TLCD4: variants seen among roughly 807,000 people sequenced by gnomAD.
TLCD4 encodes TLC domain-containing protein 4.
In TLCD4, 7 loss-of-function variants were observed where a neutral mutation model predicts 24.2. That is an observed-to-expected ratio of 0.29 (90% CI 0.16 to 0.54). TLCD4 has a LOEUF of 0.54. Ranked by LOEUF, TLCD4 falls within the 20% of genes least tolerant of loss-of-function variation. The pLI, the probability that TLCD4 is intolerant of heterozygous loss-of-function variation, is 0.95. For missense variants in TLCD4, 259 were observed against 313.9 expected (o/e 0.82, Z 1.32); for synonymous variants, 103 against 106.4 (o/e 0.97, Z 0.20).
At chr1:95,122,689 C>T (rs1178128331) in intron 1 of TLCD4, among the ~76,000 whole-genome samples, 1 of 152,204 alleles carries the variant, frequency 6.6e-6, no homozygotes, top group Non-Finnish European at 1.5e-5. Flanking sequence ...TGACATGTTA[C>T]TATTCATTGA....
At chr1:95,152,256 G>A (rs1468530902) in intron 5 of TLCD4, among the ~76,000 whole-genome samples, 2 of 152,030 alleles carry the variant, frequency 1.3e-5, no homozygotes, top group African/African-American at 4.8e-5. Context: ...GTTACTCATT[G>A]ACTATAAGAA....
intron 1 of TLCD4, among the ~76,000 whole-genome samples, chr1:95,135,869 CCACCA>C (rs1342732151): frequency 1.2e-4 from 18 of 151,954 alleles, no homozygotes; most frequent in Admixed American, 1.2e-3. Flanking sequence ...CAGGTGTGCA[CCACCA>C]CACCTGGTTA....
At chr1:95,134,898 A>G (rs964456273) in intron 1 of TLCD4, among the ~76,000 whole-genome samples, 1 of 152,122 alleles carries the variant, frequency 6.6e-6, no homozygotes, top group Non-Finnish European at 1.5e-5. Flanking sequence ...TATATCATTT[A>G]TTTCCTATTA....
chr1:95,172,934 T>C (rs925735644), intron 5 of TLCD4, among the ~76,000 whole-genome samples: 2 of 152,208 alleles, frequency 1.3e-5, no homozygotes, highest in African/African-American at 4.8e-5. Flanking sequence ...TTAAAGTATA[T>C]TAAGTAAAAT....
chr1:95,168,209 A>G (rs1443280484), intron 5 of TLCD4, among the ~76,000 whole-genome samples: 2 of 152,186 alleles, frequency 1.3e-5, no homozygotes, highest in African/African-American at 4.8e-5. Flanking sequence ...GAGTTCAGTA[A>G]TAGGCACAAG....
chr1:95,180,265 CTT>C (rs1389988850), intron 6 of TLCD4, among the ~76,000 whole-genome samples: 1 of 152,162 alleles, frequency 6.6e-6, no homozygotes, highest in East Asian at 1.9e-4. Flanking sequence ...GTTTGAAACT[CTT>C]TTAGAGAAAT....
chr1:95,126,228 A>G (rs777929688), intron 1 of TLCD4, among the ~76,000 whole-genome samples: 1 of 152,012 alleles, frequency 6.6e-6, no homozygotes, highest in Non-Finnish European at 1.5e-5. Flanking sequence ...GGAGTTTAAG[A>G]CCAGCCTGGC....
rs148679693 is a variant in TLCD4 at position 95,133,069 on chromosome 1, A to C, written c.-11-10822A>C. Among the ~76,000 whole-genome samples, 21 of 152,250 alleles carry C rather than the reference A, an allele frequency of 1.4e-4. No individual in the cohort carries two copies. In the East Asian group the frequency reaches 2.1e-3, roughly 15 times the overall value. On this transcript the variant is annotated intron_variant, in intron 1 of 6. Coordinates refer to ENST00000370203, the MANE Select transcript of TLCD4 (RefSeq NM_152487.3). The stretch of plus-strand genomic sequence containing the variant: ...TCTGTAAAGGAGTGGAGAGAGAGAG[A>C]GCGCAAGTGTAAAAATTCAAGCAAG...
chr1:95,170,843 T>A (rs1041850569), intron 5 of TLCD4, among the ~76,000 whole-genome samples: 1 of 152,222 alleles, frequency 6.6e-6, no homozygotes, highest in African/African-American at 2.4e-5. Flanking sequence ...CTTTACTTGT[T>A]ATTTTAACTT....
At chr1:95,123,798 G>A (rs1326802145) in intron 1 of TLCD4, among the ~76,000 whole-genome samples, 7 of 152,010 alleles carry the variant, frequency 4.6e-5, no homozygotes, top group African/African-American at 1.7e-4. Flanking sequence ...TATTTCTATT[G>A]GTGGACCTTG....
At chr1:95,116,353 G>A (rs1557674169), upstream of TLCD4, among the ~76,000 whole-genome samples, 1 of 152,188 alleles carries the variant, frequency 6.6e-6, no homozygotes, top group Non-Finnish European at 1.5e-5. Flanking sequence ...AACATGGACA[G>A]CTTATATGAG....
At chr1:95,136,019 G>A (rs919707513) in intron 1 of TLCD4, among the ~76,000 whole-genome samples, 1 of 152,016 alleles carries the variant, frequency 6.6e-6, no homozygotes, top group African/African-American at 2.4e-5. Context: ...ACTGAGCCTG[G>A]CCTGCTCTCA....
chr1:95,181,768 T>TACTCCCTGAGTAGCTGGGATTACTAC (rs1255783001), intron 6 of TLCD4, among the ~76,000 whole-genome samples: 3 of 151,810 alleles, frequency 2.0e-5, no homozygotes, highest in Admixed American at 6.6e-5. Flanking sequence ...GGGATTACTA[T>TACTCCCTGAGTAGCTGGGATTACTAC]GCCACCACGC....
intron 1 of TLCD4, among the ~76,000 whole-genome samples, chr1:95,139,915 C>T (rs1244069923): frequency 6.6e-6 from 1 of 152,112 alleles, no homozygotes; most frequent in East Asian, 1.9e-4. Flanking sequence ...AAGACTCAGA[C>T]ACACACATTA....
At chr1:95,128,993 A>G (rs1184367760) in intron 1 of TLCD4, among the ~76,000 whole-genome samples, 2 of 152,206 alleles carry the variant, frequency 1.3e-5, no homozygotes, top group African/African-American at 2.4e-5. Context: ...GCCTTTGAGT[A>G]TGGATACTTT....
chr1:95,137,557 G>A (rs74579543), intron 1 of TLCD4, among the ~76,000 whole-genome samples: 19,651 of 152,090 alleles, frequency 0.13, 1,308 homozygotes, highest in Middle Eastern at 0.16. Flanking sequence ...GTGAGTGATC[G>A]TGTTTTGGTG....
chr1:95,096,593 A>T, the TLCD4 span, among the ~76,000 whole-genome samples: 2 of 152,244 alleles, frequency 1.3e-5, no homozygotes, highest in Non-Finnish European at 2.9e-5. Context: ...TTTTTAAACT[A>T]GATAATATTG....
chr1:95,160,231 A>C (rs77507976), intron 5 of TLCD4, among the ~76,000 whole-genome samples: 10,765 of 152,166 alleles, frequency 0.071, 439 homozygotes, highest in Non-Finnish European at 0.089. Context: ...CATCCCTTGT[A>C]AGTTGGATTC....
chr1:95,132,364 C>T (rs1332915691), intron 1 of TLCD4, among the ~76,000 whole-genome samples: 5 of 147,098 alleles, frequency 3.4e-5, no homozygotes, highest in Non-Finnish European at 5.9e-5. Context: ...GGCTGAGGCA[C>T]GAGAATCGCT....
Sources: allele counts gnomAD v4.1 joint callset (sites outside exome capture counted in the v4.1 genomes callset), GRCh38; gene constraint gnomAD v4.1.1; transcripts MANE v1.5; gene names NCBI Gene and HGNC (gene_info 2026-07-23, HGNC 2026-07-21).